Variants in ZDHHC17 observed in about 807,000 individuals in gnomAD.
ZDHHC17 encodes palmitoyltransferase ZDHHC17.
ZDHHC17 carries 40 observed loss-of-function variants against 90.3 expected under a neutral mutation model. The observed-to-expected ratio is 0.44, with a 90% CI of 0.34 to 0.58. ZDHHC17 has a LOEUF of 0.58. ZDHHC17 is among the 20% of genes least tolerant of loss of function. The pLI is 0.01. For synonymous variants in ZDHHC17, 235 were observed against 252.4 expected, an observed-to-expected ratio of 0.93 and a Z score of 0.65; for missense variants, 614 against 780.8, an observed-to-expected ratio of 0.79 and a Z score of 2.55.
At chr12:76,809,187 A>G in intron 4 of ZDHHC17, 67 bp downstream of exon 4, 1 of 1,100,042 alleles carries the variant, frequency 9.1e-7, no homozygotes, top group Non-Finnish European at 1.3e-6. Context: ...ACAACTTTAA[A>G]AAAATGATAT....
intron 6 of ZDHHC17, among the ~76,000 whole-genome samples, chr12:76,815,577 A>G (rs1416765541): frequency 5.9e-5 from 9 of 151,906 alleles, no homozygotes; most frequent in African/African-American, 9.7e-5. Flanking sequence ...CTTGAATTGT[A>G]TAAGTATTAA....
chr12:76,764,672 G>C (rs891181110), intron 1 of ZDHHC17: 1 of 514,340 alleles, frequency 1.9e-6, no homozygotes, highest in African/African-American at 1.9e-5. Context: ...CCCTAGTCTT[G>C]CTCCAAGCCT....
intron 7 of ZDHHC17, among the ~76,000 whole-genome samples, chr12:76,820,506 C>G (rs568111517): frequency 6.6e-6 from 1 of 152,216 alleles, no homozygotes; most frequent in South Asian, 2.1e-4. Flanking sequence ...GCTACACAAG[C>G]AGTTATAATC....
At chr12:76,769,441 GTA>G (rs1158131692) in intron 1 of ZDHHC17, among the ~76,000 whole-genome samples, 1 of 152,030 alleles carries the variant, frequency 6.6e-6, no homozygotes, top group Non-Finnish European at 1.5e-5. Flanking sequence ...ATGTGTGTGT[GTA>G]TATATATGTA....
intron 1 of ZDHHC17, chr12:76,781,586 C>T (rs1361389105): frequency 4.4e-6 from 2 of 455,106 alleles, no homozygotes; most frequent in Non-Finnish European, 8.8e-6. Context: ...CTGTCTCATG[C>T]TGTCTTGCCC....
intron 7 of ZDHHC17, among the ~76,000 whole-genome samples, chr12:76,820,404 G>T (rs1953150828): frequency 6.6e-6 from 1 of 152,052 alleles, no homozygotes; most frequent in African/African-American, 2.4e-5. Context: ...TCTCATTTGT[G>T]ATTAAAAAAA....
At chr12:76,826,576 C>G (rs1004194908) in intron 8 of ZDHHC17, among the ~76,000 whole-genome samples, 1 of 152,068 alleles carries the variant, frequency 6.6e-6, no homozygotes, top group African/African-American at 2.4e-5. Flanking sequence ...TATCAGTGCC[C>G]CTGTTAAAAA....
At chr12:76,819,993 T>TAAA (rs71085459) in intron 7 of ZDHHC17, among the ~76,000 whole-genome samples, 1 of 140,784 alleles carries the variant, frequency 7.1e-6, no homozygotes, top group African/African-American at 2.6e-5. Context: ...AACTATGTCT[T>TAAA]AAAAAAAAAA....
chr12:76,780,545 T>G (rs1952610397), intron 1 of ZDHHC17, among the ~76,000 whole-genome samples: 1 of 152,222 alleles, frequency 6.6e-6, no homozygotes. Flanking sequence ...ACCGCCCAAC[T>G]TCTTTGTAAT....
chr12:76,813,057 A>G (rs1047300298), intron 5 of ZDHHC17, among the ~76,000 whole-genome samples: 1 of 152,102 alleles, frequency 6.6e-6, no homozygotes, highest in Non-Finnish European at 1.5e-5. Context: ...AGTACTCTAG[A>G]GATGTGCCAT....
chr12:76,791,038 A>G (rs115842467), intron 1 of ZDHHC17, among the ~76,000 whole-genome samples: 1,826 of 152,308 alleles, frequency 0.012, 42 homozygotes, highest in African/African-American at 0.041. Flanking sequence ...GTCATTGTAC[A>G]TTGTATACCT....
intron 10 of ZDHHC17, among the ~76,000 whole-genome samples, chr12:76,834,605 A>G (rs910349729): frequency 3.3e-5 from 5 of 152,280 alleles, no homozygotes; most frequent in East Asian, 1.9e-4. Flanking sequence ...CAGTTATCCA[A>G]TCACCACTTT....
intron 1 of ZDHHC17, among the ~76,000 whole-genome samples, chr12:76,778,511 C>G (rs1294575413): frequency 6.6e-6 from 1 of 152,212 alleles, no homozygotes; most frequent in South Asian, 2.1e-4. Context: ...GCATGAGCCA[C>G]TGTGCCCTGC....
intron 10 of ZDHHC17, among the ~76,000 whole-genome samples, chr12:76,833,285 TCTAA>T (rs1441901996): frequency 6.6e-6 from 1 of 152,230 alleles, no homozygotes; most frequent in Non-Finnish European, 1.5e-5. Flanking sequence ...AATACCATTT[TCTAA>T]CTGATGGAAA....
chr12:76,770,269 G>A (rs1488661522), intron 1 of ZDHHC17, among the ~76,000 whole-genome samples: 1 of 152,216 alleles, frequency 6.6e-6, no homozygotes, highest in Non-Finnish European at 1.5e-5. Flanking sequence ...ATATATTAGA[G>A]TGGCTAAAAT....
chr12:76,784,810 C>A (rs143755715), intron 1 of ZDHHC17, among the ~76,000 whole-genome samples: 4 of 152,282 alleles, frequency 2.6e-5, no homozygotes, highest in African/African-American at 9.6e-5. Context: ...ATCCTGAAGA[C>A]AAAGCACAGT....
At chr12:76,776,868 G>A (rs1952566226) in intron 1 of ZDHHC17, among the ~76,000 whole-genome samples, 2 of 152,096 alleles carry the variant, frequency 1.3e-5, no homozygotes, top group Admixed American at 1.3e-4. Context: ...TTTTTACTGT[G>A]TAACTTTTTA....
At chr12:76,784,077 A>C (rs1170811093) in intron 1 of ZDHHC17, among the ~76,000 whole-genome samples, 1 of 152,236 alleles carries the variant, frequency 6.6e-6, no homozygotes, top group East Asian at 1.9e-4. Flanking sequence ...TAAACCACTA[A>C]ATTTGTGGCG....
intron 1 of ZDHHC17, among the ~76,000 whole-genome samples, chr12:76,780,133 C>T (rs982184227): frequency 2.0e-5 from 3 of 152,100 alleles, no homozygotes; most frequent in African/African-American, 7.2e-5. Context: ...GGTTTGTTTT[C>T]TTTTACTTCC....
Sources: gnomAD v4.1 joint callset for allele counts (sites outside exome capture counted in the v4.1 genomes callset) on GRCh38, gnomAD v4.1.1 for gene constraint, MANE v1.5 for transcripts, NCBI Gene and HGNC (gene_info 2026-07-23, HGNC 2026-07-21) for gene names.